The following THRB variants were observed in gnomAD, a reference collection of about 807,000 sequenced individuals.
THRB encodes the protein nuclear receptor subfamily 1 group A member 2.
In THRB, 12 loss-of-function variants were observed where a neutral mutation model predicts 47.8. The ratio of observed to expected loss-of-function variants is 0.25; its 90% CI spans 0.16 to 0.41. THRB has a LOEUF of 0.41. THRB is among the 10% of genes least tolerant of loss of function. THRB has a pLI of 1.00. For missense variants in THRB, 348 were observed against 589.2 expected (o/e 0.59, Z 4.24); for synonymous variants, 218 against 212.2 (o/e 1.03, Z -0.24).
chr3:24,223,214 C>G (rs9864937), intron 4 of THRB, among the ~76,000 whole-genome samples: 1 of 152,194 alleles, frequency 6.6e-6, no homozygotes, highest in Non-Finnish European at 1.5e-5. Flanking sequence ...AGGCTCACCA[C>G]TTTGTGTGAG....
At chr3:24,174,029 T>A (rs537559568) in intron 5 of THRB, among the ~76,000 whole-genome samples, 58 of 152,118 alleles carry the variant, frequency 3.8e-4, no homozygotes, top group African/African-American at 8.2e-4. Context: ...TTAAAAAAAA[T>A]TTTTATTTTA....
chr3:24,410,540 T>C (rs762500231), intron 1 of THRB, among the ~76,000 whole-genome samples: 1 of 151,772 alleles, frequency 6.6e-6, no homozygotes, highest in African/African-American at 2.4e-5. Flanking sequence ...AAAACAAATT[T>C]TAAATGCAAG....
intron 2 of THRB, among the ~76,000 whole-genome samples, chr3:24,317,767 C>CT (rs2058221927): frequency 6.6e-6 from 1 of 152,164 alleles, no homozygotes. Context: ...GGAAAGAAGT[C>CT]TAACTTCAGC....
At chr3:24,370,666 G>T (rs2064838688) in intron 1 of THRB, among the ~76,000 whole-genome samples, 1 of 152,002 alleles carries the variant, frequency 6.6e-6, no homozygotes, top group Non-Finnish European at 1.5e-5. Context: ...ATAATGATAG[G>T]GAATGCTGGG....
intron 1 of THRB, among the ~76,000 whole-genome samples, chr3:24,435,233 A>T (rs184864113): frequency 2.0e-4 from 31 of 152,278 alleles, no homozygotes; most frequent in Admixed American, 1.6e-3. Context: ...AAAGGTTGGG[A>T]CCACAGACAC....
chr3:24,306,707 G>C (rs2149152204), intron 2 of THRB, among the ~76,000 whole-genome samples: 1 of 152,170 alleles, frequency 6.6e-6, no homozygotes, highest in Non-Finnish European at 1.5e-5. Context: ...TCTGCCTCCA[G>C]CCCATTGCTC....
At chr3:24,312,761 G>A (rs567396405) in intron 2 of THRB, among the ~76,000 whole-genome samples, 13 of 152,196 alleles carry the variant, frequency 8.5e-5, no homozygotes, top group Admixed American at 3.3e-4. Flanking sequence ...ACATCACACA[G>A]GGCCTGGTAG....
intron 1 of THRB, among the ~76,000 whole-genome samples, chr3:24,355,041 C>T (rs1286373930): frequency 6.6e-6 from 1 of 152,052 alleles, no homozygotes; most frequent in Non-Finnish European, 1.5e-5. Flanking sequence ...ATATTAATTA[C>T]AAAGAAGAAA....
intron 1 of THRB, among the ~76,000 whole-genome samples, chr3:24,347,418 A>G (rs1331069690): frequency 6.7e-6 from 1 of 149,496 alleles, no homozygotes; most frequent in Non-Finnish European, 1.5e-5. Flanking sequence ...AATTAGTAAT[A>G]CAGAGAACAG....
chr3:24,385,633 C>A (rs1039045987), intron 1 of THRB, among the ~76,000 whole-genome samples: 3 of 152,120 alleles, frequency 2.0e-5, no homozygotes, highest in Non-Finnish European at 4.4e-5. Flanking sequence ...AATGCACACT[C>A]ACTCTAGCAA....
intron 3 of THRB, among the ~76,000 whole-genome samples, chr3:24,276,683 G>A (rs1425581989): frequency 6.6e-6 from 1 of 152,162 alleles, no homozygotes; most frequent in African/African-American, 2.4e-5. Context: ...TGATGGATAC[G>A]ATTACATGAC....
chr3:24,229,039 A>G, intron 3 of THRB, 38 bp from the exon 4 acceptor site: 1 of 1,204,538 alleles, frequency 8.3e-7, no homozygotes, highest in Non-Finnish European at 1.2e-6. Context: ...ACAGATTATA[A>G]TCTGCATTTT....
At chr3:24,439,396 C>T (rs2071304214) in intron 1 of THRB, among the ~76,000 whole-genome samples, 1 of 152,098 alleles carries the variant, frequency 6.6e-6, no homozygotes, top group South Asian at 2.1e-4. Context: ...TAATTTAGAG[C>T]CGGACGCCCT....
intron 4 of THRB, among the ~76,000 whole-genome samples, chr3:24,222,633 CT>C (rs374249409): frequency 4.6e-4 from 70 of 152,316 alleles, no homozygotes; most frequent in African/African-American, 1.4e-3. Context: ...AATAGCCTCC[CT>C]TCTGCCCTCA....
chr3:24,189,403 T>A (rs2043048033), intron 5 of THRB, among the ~76,000 whole-genome samples: 1 of 152,152 alleles, frequency 6.6e-6, no homozygotes. Context: ...GAAGCAAAGA[T>A]TTTGGGGAGC....
chr3:24,303,414 T>C (rs1179998030), intron 2 of THRB, among the ~76,000 whole-genome samples: 2 of 152,136 alleles, frequency 1.3e-5, no homozygotes, highest in Admixed American at 6.6e-5. Context: ...GAAGAGAATA[T>C]GTTGTGGAGT....
At chr3:24,274,393 T>C (rs1009256014) in intron 3 of THRB, among the ~76,000 whole-genome samples, 2 of 152,164 alleles carry the variant, frequency 1.3e-5, no homozygotes, top group African/African-American at 2.4e-5. Context: ...AATAGTGCTA[T>C]TTTGAAGAGC....
chr3:24,245,107 G>A (rs999589489), intron 3 of THRB, among the ~76,000 whole-genome samples: 17 of 152,112 alleles, frequency 1.1e-4, no homozygotes, highest in African/African-American at 4.1e-4. Context: ...AGACTCTTGG[G>A]GACTGCTGCT....
chr3:24,185,651 C>G (rs905434657), intron 5 of THRB, among the ~76,000 whole-genome samples: 4 of 152,144 alleles, frequency 2.6e-5, no homozygotes, highest in Non-Finnish European at 4.4e-5. Flanking sequence ...GAGTCCCTGC[C>G]TTGTTTCTCC....
Sources: gnomAD v4.1 joint callset for allele counts (sites outside exome capture counted in the v4.1 genomes callset) on GRCh38, gnomAD v4.1.1 for gene constraint, MANE v1.5 for transcripts, NCBI Gene and HGNC (gene_info 2026-07-23, HGNC 2026-07-21) for gene names.